ABCB1: variants seen among roughly 807,000 people sequenced by gnomAD.
ABCB1 encodes the protein ATP binding cassette subfamily B member 1, also known as ATP-dependent translocase ABCB1.
ABCB1 carries 69 observed loss-of-function variants against 142.0 expected under a neutral mutation model. The ratio of observed to expected loss-of-function variants is 0.49; its 90% CI spans 0.40 to 0.59. The LOEUF (loss-of-function observed/expected upper bound fraction) is 0.59. ABCB1 is among the 20% of genes least tolerant of loss of function. The pLI is 0.00. For missense variants in ABCB1, 1,326 were observed against 1,554.7 expected (o/e 0.85, Z 2.47); for synonymous variants, 532 against 539.2 (o/e 0.99, Z 0.18).
chr7:87,504,527 G>A, intron 27 of ABCB1, 78 bp from the exon 28 acceptor site: 1 of 1,563,944 alleles, frequency 6.4e-7, no homozygotes, highest in Non-Finnish European at 8.7e-7. Context: ...CTCCACAGTA[G>A]GACGGGCATG....
intron 26 of ABCB1, 24 bp from the exon 27 acceptor site, chr7:87,506,067 T>A (rs200482113): frequency 3.1e-6 from 5 of 1,611,280 alleles, no homozygotes; most frequent in African/African-American, 2.7e-5. Flanking sequence ...TTTGTTGTTA[T>A]GAAAGTAGAA....
intron 1 of ABCB1, among the ~76,000 whole-genome samples, chr7:87,676,703 CAAAAA>C (rs57480483): frequency 8.8e-5 from 4 of 45,430 alleles, no homozygotes; most frequent in Non-Finnish European, 1.8e-4. Context: ...GACCCTGTCT[CAAAAA>C]AAAAAAAAAA....
At chr7:87,649,995 C>T (rs1174804594) in intron 1 of ABCB1, among the ~76,000 whole-genome samples, 1 of 152,122 alleles carries the variant, frequency 6.6e-6, no homozygotes, top group East Asian at 1.9e-4. Context: ...AATCTCTTTC[C>T]TTTATAAATT....
Position 87,662,243 on chromosome 7 carries a change from C to G in ABCB1, c.-331+50918G>C, listed in dbSNP as rs116389423. Among the ~76,000 whole-genome samples, 976 of 152,118 alleles carry G rather than the reference C, an allele frequency of 6.4e-3. 15 individuals carry two copies. Among genetic ancestry groups the G allele is most frequent in the African/African-American group, 0.021 (881 of 41,530 alleles). Reference sequence around the variant, plus strand: ...GATTGTTTACTTTGCAGTGCAGAAGCTTTTTAACTTGATGTGATCTCACTT... The same window carrying G: ...GATTGTTTACTTTGCAGTGCAGAAGGTTTTTAACTTGATGTGATCTCACTT... On this transcript the variant is annotated intron_variant, in intron 1 of 28. Coordinates refer to the ABCB1 transcript ENST00000265724.
chr7:87,610,080 C>T (rs556807001), intron 1 of ABCB1, among the ~76,000 whole-genome samples: 1 of 152,194 alleles, frequency 6.6e-6, no homozygotes, highest in African/African-American at 2.4e-5. Flanking sequence ...CCTTGCGTGT[C>T]TTTTCCAATG....
chr7:87,661,500 A>T (rs761863173), intron 1 of ABCB1, among the ~76,000 whole-genome samples: 27 of 151,782 alleles, frequency 1.8e-4, no homozygotes, highest in Non-Finnish European at 3.1e-4. Flanking sequence ...AGTTCCCACA[A>T]ATAAGTGAAA....
chr7:87,540,849 A>AT (rs1359214426), intron 18 of ABCB1, among the ~76,000 whole-genome samples: 1 of 152,120 alleles, frequency 6.6e-6, no homozygotes, highest in Non-Finnish European at 1.5e-5. Context: ...TGTTTCCTAC[A>AT]TTTTTTGTTG....
intron 2 of ABCB1, among the ~76,000 whole-genome samples, chr7:87,598,134 T>C (rs1819284399): frequency 6.6e-6 from 1 of 152,194 alleles, no homozygotes; most frequent in South Asian, 2.1e-4. Flanking sequence ...AACTATCTTA[T>C]TAATCATTTT....
chr7:87,693,509 T>C (rs1355696563), intron 1 of ABCB1, among the ~76,000 whole-genome samples: 1 of 152,224 alleles, frequency 6.6e-6, no homozygotes, highest in Non-Finnish European at 1.5e-5. Flanking sequence ...AGTGATTTTT[T>C]TTCCTAACCA....
At position 87,626,288 on chromosome 7, in the gene ABCB1, A is replaced by ATATATGTGTCATATATATGTGTCG. The variant is rs1563080244; in HGVS notation, c.-330-25234_-330-25211dup. The stretch of plus-strand genomic sequence containing the variant: ...CATATATGTGTCATATATATGTGTC[A>ATATATGTGTCATATATATGTGTCG]TATATGTGTCATATATATGTGTCGT... On this transcript the variant is annotated intron_variant, in intron 1 of 28. Coordinates refer to the ABCB1 transcript ENST00000265724. Among the ~76,000 whole-genome samples the ATATATGTGTCATATATATGTGTCG allele has an allele frequency of 3.3e-3, 160 of 48,492 alleles. 23 individuals are homozygous for ATATATGTGTCATATATATGTGTCG. The highest frequency in any genetic ancestry group is 4.5e-3 in the Non-Finnish European group (127 of 28,168). 31.8% of individuals were successfully genotyped at this position (48,492 alleles called of 152,430 possible). A position where few individuals can be genotyped will look rare whatever the true frequency, so the allele number is the denominator to read the frequency against.
chr7:87,605,244 A>G (rs374484920), upstream of ABCB1, among the ~76,000 whole-genome samples: 2 of 152,046 alleles, frequency 1.3e-5, no homozygotes, highest in South Asian at 2.1e-4. Flanking sequence ...AGCAATTCTC[A>G]TGCCTCAGCC....
In ABCB1 at chr7:87,536,461, T is replaced by G; in HGVS notation, c.2478A>C (p.Lys826Asn). Residue 826 changes from lysine (K) to asparagine (N), a missense_variant, in exon 20 of 28, where the codon AAA becomes AAC. Lys to Asn is a moderately conservative substitution (Grantham distance 94). Transcript: ENST00000622132. Reference protein sequence around the residue: ...TRLANDAAQVKGAIGSRLAVI... With the variant: ...TRLANDAAQVNGAIGSRLAVI... Reference sequence around the variant, plus strand: ...CCAGTAGAAAGGAGGCACGTACCCCTTTAACTTGAGCAGCATCATTGGCGA... The same window carrying G: ...CCAGTAGAAAGGAGGCACGTACCCCGTTAACTTGAGCAGCATCATTGGCGA... 1 of 1,613,930 alleles carries G rather than the reference T, an allele frequency of 6.2e-7. No individual in the cohort carries two copies. The highest frequency in any genetic ancestry group is 8.5e-7 in the Non-Finnish European group (1 of 1,179,858).
intron 1 of ABCB1, among the ~76,000 whole-genome samples, chr7:87,636,493 C>G (rs1312932739): frequency 1.3e-5 from 2 of 152,098 alleles, no homozygotes. Context: ...ACATGTAATG[C>G]AAATGTCTTC....
intron 1 of ABCB1, among the ~76,000 whole-genome samples, chr7:87,691,685 A>G (rs1828028301): frequency 6.6e-6 from 1 of 152,190 alleles, no homozygotes; most frequent in African/African-American, 2.4e-5. Context: ...TATAAAAAAT[A>G]TTTATATTCC....
Position 87,515,264 on chromosome 7 carries a change from C to T in ABCB1, c.3249G>A (p.Leu1083=). ...GCGKSTVVQL[L]ERFYDPLAGK... ...CTGCCAAGGGGTCGTAGAACCGCTCCAGGAGCTGGACCACTGTGCTCTTCC... is the reference window on the plus strand; with the variant it reads ...CTGCCAAGGGGTCGTAGAACCGCTCTAGGAGCTGGACCACTGTGCTCTTCC... Residue 1083 remains leucine, a synonymous_variant, in exon 25 of 28, where the codon CTG becomes CTA. Coordinates refer to ENST00000622132, the MANE Select transcript of ABCB1 (RefSeq NM_001348946.2). The T allele has an allele frequency of 6.2e-7, 1 of 1,614,068 alleles. No homozygotes were observed. Among genetic ancestry groups the T allele is most frequent in the Non-Finnish European group, 8.5e-7 (1 of 1,180,022 alleles).
chr7:87,602,164 T>C (rs956744528), upstream of ABCB1, among the ~76,000 whole-genome samples: 9 of 152,086 alleles, frequency 5.9e-5, no homozygotes, highest in Admixed American at 5.9e-4. Flanking sequence ...CGGCTAATTT[T>C]TTGTATTTTT....
At chr7:87,639,376 T>C (rs147991033) in intron 1 of ABCB1, among the ~76,000 whole-genome samples, 57 of 152,326 alleles carry the variant, frequency 3.7e-4, no homozygotes, top group African/African-American at 1.3e-3. Context: ...TCTGTCATTG[T>C]TGATTGCATG....
chr7:87,606,141 G>A (rs1819644195), intron 1 of ABCB1, among the ~76,000 whole-genome samples: 1 of 151,716 alleles, frequency 6.6e-6, no homozygotes, highest in African/African-American at 2.4e-5. Flanking sequence ...AAAATTCAAA[G>A]GTCTAATAGA....
chr7:87,673,554 T>A (rs534469366), intron 1 of ABCB1, among the ~76,000 whole-genome samples: 2 of 152,374 alleles, frequency 1.3e-5, no homozygotes, highest in African/African-American at 4.8e-5. Flanking sequence ...TGTGCATGTC[T>A]ATCAGATCAG....
Sources: allele counts gnomAD v4.1 joint callset (sites outside exome capture counted in the v4.1 genomes callset), GRCh38; gene constraint gnomAD v4.1.1; transcripts MANE v1.5; gene names NCBI Gene and HGNC (gene_info 2026-07-23, HGNC 2026-07-21).